Variants in EML6 observed in about 807,000 individuals in gnomAD.
The protein encoded by EML6 is EMAP like 6.
A neutral mutation model predicts 240.1 loss-of-function variants in EML6; 154 were observed. The observed-to-expected ratio is 0.64, with a 90% CI of 0.56 to 0.73. EML6 has a LOEUF of 0.73. EML6 is among the 30% of genes least tolerant of loss of function. EML6 has a pLI of 0.00. For missense variants in EML6, 2,964 were observed against 2,474.6 expected (o/e 1.20, Z -4.20); for synonymous variants, 1,148 against 899.0 (o/e 1.28, Z -4.95).
chr2:54,734,266 A>T (rs1333542602), intron 2 of EML6, among the ~76,000 whole-genome samples: 1 of 152,240 alleles, frequency 6.6e-6, no homozygotes, highest in African/African-American at 2.4e-5. Context: ...TGAACCCAGG[A>T]AACAGTGGTT....
At position 54,871,524 on chromosome 2, in the gene EML6, G is replaced by C. The variant is rs1353870726; in HGVS notation, c.2263G>C (p.Val755Leu). 6.4e-7 allele frequency: 1 copy of C among 1,551,734 alleles called. No homozygotes were observed. Among genetic ancestry groups the C allele is most frequent in the Admixed American group, 2.0e-5 (1 of 51,016 alleles). Residue 755 changes from valine to leucine, a missense_variant, in exon 16 of 42, where the codon GTG (valine) becomes CTG (leucine). By Grantham distance (32) the Val-to-Leu change is conservative. Transcript: ENST00000356458. ...GQVGRDAAIHVWDTQTLKCLS... is the reference protein window; with the variant it reads ...GQVGRDAAIHLWDTQTLKCLS... ...GGTTGGAAGAGATGCTGCTATTCAT[G>C]TGTGGGACACACAAACTCTAAAATG...
At chr2:54,852,735 G>A (rs1348557486) in intron 10 of EML6, among the ~76,000 whole-genome samples, 2 of 152,228 alleles carry the variant, frequency 1.3e-5, no homozygotes. Context: ...TAATGCACCA[G>A]TATTATATAA....
At chr2:54,820,003 A>G (rs1266210480) in intron 4 of EML6, among the ~76,000 whole-genome samples, 1 of 152,168 alleles carries the variant, frequency 6.6e-6, no homozygotes, top group African/African-American at 2.4e-5. Flanking sequence ...TTTCCTAGCT[A>G]AGAAGCATTT....
chr2:54,788,031 G>A (rs1669181559), intron 2 of EML6, among the ~76,000 whole-genome samples: 1 of 152,082 alleles, frequency 6.6e-6, no homozygotes, highest in South Asian at 2.1e-4. Context: ...GATGAAACCT[G>A]ATGGTCAACA....
chr2:54,829,989 C>G (rs1188427071), intron 7 of EML6, among the ~76,000 whole-genome samples: 1 of 152,150 alleles, frequency 6.6e-6, no homozygotes, highest in Non-Finnish European at 1.5e-5. Flanking sequence ...GTTTCCTCAT[C>G]TATAAAATGG....
rs116432511 is a variant in EML6 at position 54,957,276 on chromosome 2, G to A, written c.4487-514G>A. On this transcript the variant is annotated intron_variant, in intron 32 of 41. Coordinates refer to ENST00000356458, the MANE Select transcript of EML6 (RefSeq NM_001039753.4). ...GGTTAAGGAAAAATAGTACTTAAAA[G>A]GTAAAAAAATTTAAACCTAAACACC... Among the ~76,000 whole-genome samples, 594 of 147,770 alleles carry A rather than the reference G, an allele frequency of 4.0e-3. 4 individuals carry two copies. Among genetic ancestry groups the A allele is most frequent in the African/African-American group, 0.01 (418 of 40,002 alleles).
At chr2:54,894,709 C>G (rs991147038) in intron 19 of EML6, among the ~76,000 whole-genome samples, 1 of 152,110 alleles carries the variant, frequency 6.6e-6, no homozygotes, top group Non-Finnish European at 1.5e-5. Context: ...ATGCTGAGAA[C>G]GTGCTTAATC....
At chr2:54,796,885 G>C (rs1331701663) in intron 2 of EML6, among the ~76,000 whole-genome samples, 1 of 151,946 alleles carries the variant, frequency 6.6e-6, no homozygotes, top group Admixed American at 6.6e-5. Flanking sequence ...TAGTCACAAG[G>C]CGGGGATCCT....
intron 2 of EML6, among the ~76,000 whole-genome samples, chr2:54,785,158 C>T (rs971053174): frequency 6.8e-6 from 1 of 148,004 alleles, no homozygotes; most frequent in Non-Finnish European, 1.5e-5. Flanking sequence ...TTTCCACCCC[C>T]CCACACACAC....
chr2:54,862,944 G>A (rs1670761396), intron 12 of EML6, among the ~76,000 whole-genome samples: 1 of 152,220 alleles, frequency 6.6e-6, no homozygotes, highest in Admixed American at 6.5e-5. Context: ...TCAGGCTGCA[G>A]GGGAACAGGG....
intron 2 of EML6, among the ~76,000 whole-genome samples, chr2:54,759,736 A>G (rs987245093): frequency 6.6e-6 from 1 of 152,080 alleles, no homozygotes; most frequent in African/African-American, 2.4e-5. Flanking sequence ...AGGAGAGAGC[A>G]TGCAGAATCT....
chr2:54,819,050 A>AG (rs1668207006), intron 4 of EML6, among the ~76,000 whole-genome samples: 1 of 152,204 alleles, frequency 6.6e-6, no homozygotes, highest in African/African-American at 2.4e-5. Context: ...AGAGAAGATG[A>AG]GGTTAAGGTT....
intron 2 of EML6, among the ~76,000 whole-genome samples, chr2:54,752,147 C>T (rs893342842): frequency 2.0e-5 from 3 of 152,150 alleles, no homozygotes; most frequent in African/African-American, 7.2e-5. Context: ...TTGGGAACCT[C>T]ACAGAATCTC....
At chr2:54,813,535 T>TC (rs1667953463) in intron 3 of EML6, 144 bp downstream of exon 3, 2 of 747,668 alleles carry the variant, frequency 2.7e-6, no homozygotes, top group East Asian at 2.7e-5. Context: ...ACCTGTTTTT[T>TC]CCCCTTTAAA....
chr2:54,923,379 A>G (rs925449176), intron 26 of EML6, among the ~76,000 whole-genome samples: 6 of 151,206 alleles, frequency 4.0e-5, no homozygotes, highest in East Asian at 3.9e-4. Context: ...ACACACACAC[A>G]CACACACACA....
At chr2:54,968,815 T>C (rs984754247) in intron 41 of EML6, 47 bp downstream of exon 41, 7 of 1,051,398 alleles carry the variant, frequency 6.7e-6, no homozygotes, top group Non-Finnish European at 1.0e-5. Flanking sequence ...CCTGGCCAGC[T>C]CTCCCTCCCC....
At chr2:54,827,429 C>G in intron 5 of EML6, 137 bp from the exon 6 acceptor site, 2 of 687,192 alleles carry the variant, frequency 2.9e-6, no homozygotes, top group East Asian at 2.7e-5. Context: ...TGTTATGTTA[C>G]AGCAAAGCAA....
chr2:54,864,780 G>T (rs990062975), intron 13 of EML6, among the ~76,000 whole-genome samples: 4 of 152,172 alleles, frequency 2.6e-5, no homozygotes, highest in Non-Finnish European at 4.4e-5. Context: ...TATCTCCAAA[G>T]TGCACATTCT....
chr2:54,958,088 G>A, intron 33 of EML6, 90 bp downstream of exon 33: 1 of 1,131,702 alleles, frequency 8.8e-7, no homozygotes, highest in Non-Finnish European at 1.2e-6. Context: ...TGGCCAAGAG[G>A]CTGAAAACAG....
Sources: gnomAD v4.1 joint callset for allele counts (sites outside exome capture counted in the v4.1 genomes callset) on GRCh38, gnomAD v4.1.1 for gene constraint, MANE v1.5 for transcripts, NCBI Gene and HGNC (gene_info 2026-07-23, HGNC 2026-07-21) for gene names.